DLG1: variants seen among roughly 807,000 people sequenced by gnomAD.
The protein encoded by DLG1 is disks large homolog 1.
In DLG1, 42 loss-of-function variants were observed where a neutral mutation model predicts 123.4. The observed-to-expected ratio is 0.34, with a 90% CI of 0.27 to 0.44. DLG1 has a LOEUF of 0.44. DLG1 is among the 20% of genes least tolerant of loss of function. The pLI, the probability that DLG1 is intolerant of heterozygous loss-of-function variation, is 1.00. For synonymous variants in DLG1, 317 were observed against 356.2 expected (o/e 0.89, Z 1.24); for missense variants, 942 against 1,082.6 (o/e 0.87, Z 1.82).
intron 5 of DLG1, among the ~76,000 whole-genome samples, chr3:197,192,583 TC>T (rs1201095860): frequency 4.6e-5 from 7 of 152,114 alleles, no homozygotes; most frequent in Admixed American, 2.0e-4. Context: ...TCTCCTTAAC[TC>T]TCTTTTAGTT....
chr3:197,189,461 C>G (rs1285343753), intron 5 of DLG1, among the ~76,000 whole-genome samples: 1 of 152,014 alleles, frequency 6.6e-6, no homozygotes, highest in Non-Finnish European at 1.5e-5. Context: ...AGAGAATACA[C>G]ACAATTTTTT....
At chr3:197,084,094 GTATTACCAGA>G (rs1752773039) in intron 16 of DLG1, among the ~76,000 whole-genome samples, 1 of 151,598 alleles carries the variant, frequency 6.6e-6, no homozygotes, top group African/African-American at 2.4e-5. Flanking sequence ...GAAGTGAAGC[GTATTACCAGA>G]TATTTCCAAA....
intron 4 of DLG1, among the ~76,000 whole-genome samples, chr3:197,216,978 C>T (rs1294718409): frequency 4.6e-5 from 7 of 152,144 alleles, no homozygotes; most frequent in African/African-American, 1.4e-4. Flanking sequence ...GAAGTAACAT[C>T]GGAGACAAGT....
chr3:197,257,217 T>C (rs951838204), intron 4 of DLG1, among the ~76,000 whole-genome samples: 2 of 152,086 alleles, frequency 1.3e-5, no homozygotes, highest in Non-Finnish European at 2.9e-5. Context: ...AATATAAATA[T>C]GAATATTTAA....
intron 4 of DLG1, among the ~76,000 whole-genome samples, chr3:197,257,371 C>A (rs1361419694): frequency 1.3e-5 from 2 of 152,050 alleles, no homozygotes; most frequent in Non-Finnish European, 2.9e-5. Context: ...GCTGGGCACC[C>A]ACTGGAATGA....
chr3:197,206,213 A>G (rs941000218), intron 4 of DLG1, among the ~76,000 whole-genome samples: 16 of 152,230 alleles, frequency 1.1e-4, no homozygotes, highest in Admixed American at 5.9e-4. Context: ...GTAAAGGGTC[A>G]AATGATTTCT....
intron 5 of DLG1, chr3:197,184,255 G>T: frequency 3.5e-6 from 1 of 289,182 alleles, no homozygotes; most frequent in Non-Finnish European, 5.2e-6. Flanking sequence ...AAAAACCCTG[G>T]ATTACCAAGT....
At chr3:197,251,844 A>T (rs894030983) in intron 4 of DLG1, among the ~76,000 whole-genome samples, 59 of 152,248 alleles carry the variant, frequency 3.9e-4, no homozygotes, top group African/African-American at 1.4e-3. Context: ...ATCATATTTT[A>T]AAATGGGCAC....
chr3:197,053,155 T>C (rs1240385873), intron 23 of DLG1, among the ~76,000 whole-genome samples: 3 of 152,168 alleles, frequency 2.0e-5, no homozygotes. Flanking sequence ...TGCAGCTGGA[T>C]GATGAGTATA....
rs762623372 is a variant in DLG1 at position 197,065,799 on chromosome 3, A to C, written c.2109T>G (p.Thr703=). 1 of 1,573,960 alleles carries C rather than the reference A, an allele frequency of 6.4e-7. No individual in the cohort carries two copies. The highest frequency in any genetic ancestry group is 1.7e-5 in the Admixed American group (1 of 58,272). Residue 703 remains threonine, a synonymous_variant, in exon 21 of 25, where the codon ACT becomes ACG. Coordinates refer to ENST00000667157, the MANE Select transcript of DLG1 (RefSeq NM_001366207.1). The part of the protein sequence containing the change: ...EPVNQQEVNY[T]RPVIILGPMK... ...TAGGTCCCAATATGATCACTGGTCG[A>C]GTATAATTAACTATAAAGATAAACT...
At chr3:197,059,116 G>A (rs1194884) in intron 23 of DLG1, among the ~76,000 whole-genome samples, 11 of 152,178 alleles carry the variant, frequency 7.2e-5, no homozygotes, top group South Asian at 4.2e-4. Context: ...TAGTAGAGAC[G>A]GGGTTTCACC....
chr3:197,281,928 T>C (rs1769554858), intron 4 of DLG1, among the ~76,000 whole-genome samples: 1 of 152,194 alleles, frequency 6.6e-6, no homozygotes, highest in African/African-American at 2.4e-5. Flanking sequence ...CTACCACCAC[T>C]TTTCCCTGAT....
rs199877809 is a variant in DLG1 at position 197,065,495 on chromosome 3, A to C, written c.2201-47T>G. The C allele has an allele frequency of 6.2e-4, 897 of 1,451,024 alleles. 11 individuals are homozygous for C. In the South Asian group the frequency reaches 0.01, roughly 16 times the overall value. 89.9% of individuals were successfully genotyped at this position (1,451,024 alleles called of 1,614,324 possible). ...GAAAGTGTTTAATATTAAAAAAAAA[A>C]CCACAATAAATCCATTTTCTACTTA... On this transcript the variant is annotated intron_variant, in intron 21 of 24. Coordinates refer to ENST00000667157, the MANE Select transcript of DLG1 (RefSeq NM_001366207.1).
At chr3:197,146,643 T>C (rs1389925210) in intron 6 of DLG1, among the ~76,000 whole-genome samples, 1 of 152,050 alleles carries the variant, frequency 6.6e-6, no homozygotes, top group Non-Finnish European at 1.5e-5. Context: ...TATAAAAACA[T>C]CAACTCAAAA....
intron 6 of DLG1, among the ~76,000 whole-genome samples, chr3:197,145,741 A>G (rs909838337): frequency 6.6e-6 from 1 of 152,038 alleles, no homozygotes; most frequent in African/African-American, 2.4e-5. Flanking sequence ...CCAATTCATG[A>G]TGTAGGTTTC....
intron 3 of DLG1, among the ~76,000 whole-genome samples, chr3:197,288,376 AAAAAAAG>A (rs1188564454): frequency 6.6e-6 from 1 of 150,518 alleles, no homozygotes; most frequent in Non-Finnish European, 1.5e-5. Context: ...AAAAAAAAAA[AAAAAAAG>A]AAAAGAAAAG....
At chr3:197,131,580 C>CTT (rs1560911232) in intron 10 of DLG1, among the ~76,000 whole-genome samples, 10 of 120,694 alleles carry the variant, frequency 8.3e-5, no homozygotes, top group Admixed American at 1.7e-4. Flanking sequence ...TTATTTCTTC[C>CTT]TTTCTTTTTT....
intron 23 of DLG1, among the ~76,000 whole-genome samples, chr3:197,059,621 G>T (rs148660609): frequency 1.0e-4 from 3 of 29,560 alleles, no homozygotes; most frequent in Non-Finnish European, 2.2e-4. Flanking sequence ...GCTGTGCTGC[G>T]TACTTCAGTA....
At chr3:197,200,572 C>T (rs1270057882) in intron 4 of DLG1, among the ~76,000 whole-genome samples, 1 of 151,978 alleles carries the variant, frequency 6.6e-6, no homozygotes, top group Admixed American at 6.6e-5. Flanking sequence ...ATGTAAAAAC[C>T]TAAAGAAAAT....
Sources: allele counts gnomAD v4.1 joint callset (sites outside exome capture counted in the v4.1 genomes callset), GRCh38; gene constraint gnomAD v4.1.1; transcripts MANE v1.5; gene names NCBI Gene and HGNC (gene_info 2026-07-23, HGNC 2026-07-21).